Variants in GSE1 observed in about 807,000 individuals in gnomAD.
GSE1 encodes genetic suppressor element 1.
GSE1 carries 32 observed loss-of-function variants against 112.6 expected under a neutral mutation model. The observed-to-expected ratio is 0.28, with a 90% CI of 0.21 to 0.38. The LOEUF (loss-of-function observed/expected upper bound fraction) is 0.38, where lower values mean the gene tolerates loss of function less well. Ranked by LOEUF, GSE1 falls within the 10% of genes least tolerant of loss-of-function variation. The pLI is 1.00. For missense variants in GSE1, 2,348 were observed against 1,699.2 expected (o/e 1.38, Z -6.71); for synonymous variants, 1,115 against 735.6 (o/e 1.52, Z -8.35).
chr16:85,368,284 GC>G (rs2047227341), intron 2 of GSE1, among the ~76,000 whole-genome samples: 1 of 152,172 alleles, frequency 6.6e-6, no homozygotes, highest in African/African-American at 2.4e-5. Context: ...CAACCATCTG[GC>G]CTCTCTGGGC....
intron 2 of GSE1, among the ~76,000 whole-genome samples, chr16:85,645,452 G>A (rs559490832): frequency 3.2e-4 from 49 of 152,282 alleles, no homozygotes; most frequent in African/African-American, 1.2e-3. Flanking sequence ...CATTAAAGAG[G>A]CCCAGATACC....
intron 3 of GSE1, among the ~76,000 whole-genome samples, chr16:85,651,172 CGTCT>C (rs1033460183): frequency 6.7e-6 from 1 of 150,176 alleles, no homozygotes; most frequent in Non-Finnish European, 1.5e-5. Context: ...CGCCCTGATG[CGTCT>C]GTCTGTGGAG....
At chr16:85,235,987 G>A (rs1365835466) in intron 1 of GSE1, among the ~76,000 whole-genome samples, 2 of 139,306 alleles carry the variant, frequency 1.4e-5, no homozygotes, top group African/African-American at 6.0e-5. Flanking sequence ...CCTGGGCCTG[G>A]GCCTGGGCCT....
chr16:85,381,683 A>G (rs1036276373), intron 2 of GSE1, among the ~76,000 whole-genome samples: 3 of 152,238 alleles, frequency 2.0e-5, no homozygotes, highest in African/African-American at 7.2e-5. Flanking sequence ...TTCACTAGTC[A>G]GTGTAGTAAT....
intron 1 of GSE1, among the ~76,000 whole-genome samples, chr16:85,227,093 C>T (rs1167383394): frequency 6.6e-6 from 1 of 151,652 alleles, no homozygotes; most frequent in African/African-American, 2.4e-5. Flanking sequence ...TTTCCTCAGT[C>T]CTTCTTTTCA....
At chr16:85,302,561 C>T (rs966583108) in intron 1 of GSE1, among the ~76,000 whole-genome samples, 1 of 152,100 alleles carries the variant, frequency 6.6e-6, no homozygotes, top group African/African-American at 2.4e-5. Flanking sequence ...TGCTTTCCTG[C>T]GCTGATACTG....
At chr16:85,642,926 G>T (rs953444698) in intron 2 of GSE1, among the ~76,000 whole-genome samples, 1 of 152,098 alleles carries the variant, frequency 6.6e-6, no homozygotes, top group Non-Finnish European at 1.5e-5. Flanking sequence ...CGCCCGCCTC[G>T]GTCTACAGTG....
Position 85,527,583 on chromosome 16 carries a change from C to T in GSE1, c.2465-106331C>T, listed in dbSNP as rs1394808135. On this transcript the variant is annotated intron_variant, in intron 2 of 2. Transcript: ENST00000637419. ...CCTACGCACCCGCGCCACACTGCCC[C>T]GGGAGGGGCTTGCAGCGGTGAATGG... Among the ~76,000 whole-genome samples, 5 of 152,368 alleles carry T rather than the reference C, an allele frequency of 3.3e-5. No individual in the cohort carries two copies. The South Asian group carries it at 6.2e-4, about 19-fold the overall frequency.
At chr16:85,653,439 C>G (rs2151912637) in intron 3 of GSE1, among the ~76,000 whole-genome samples, 1 of 150,130 alleles carries the variant, frequency 6.7e-6, no homozygotes, top group East Asian at 2.0e-4. Context: ...GTGGCACGGC[C>G]TATCCTTGAA....
At chr16:85,459,251 A>G (rs997681992) in intron 2 of GSE1, among the ~76,000 whole-genome samples, 1 of 152,222 alleles carries the variant, frequency 6.6e-6, no homozygotes, top group African/African-American at 2.4e-5. Context: ...CTCCACATGC[A>G]TGCAGGCAGG....
intron 3 of GSE1, among the ~76,000 whole-genome samples, chr16:85,652,980 T>G (rs901901828): frequency 6.6e-6 from 1 of 151,530 alleles, no homozygotes; most frequent in African/African-American, 2.4e-5. Flanking sequence ...TTCCCGTGGC[T>G]CTGCATCCCT....
intron 1 of GSE1, among the ~76,000 whole-genome samples, chr16:85,345,417 C>T (rs2046713830): frequency 6.6e-6 from 1 of 152,184 alleles, no homozygotes. Context: ...TACCATCTGG[C>T]CCTTTAAGAA....
At chr16:85,504,369 G>A (rs2051469086) in intron 2 of GSE1, among the ~76,000 whole-genome samples, 2 of 152,258 alleles carry the variant, frequency 1.3e-5, no homozygotes, top group Admixed American at 6.5e-5. Context: ...GATCTGGAAA[G>A]ATCTTTTGAG....
intron 2 of GSE1, among the ~76,000 whole-genome samples, chr16:85,646,096 CTA>C (rs1370330010): frequency 1.6e-5 from 2 of 125,704 alleles, no homozygotes; most frequent in African/African-American, 7.3e-5. Flanking sequence ...ACCACGCTTC[CTA>C]TGCATGCATT....
chr16:85,401,384 G>T (rs1334614491), intron 2 of GSE1, among the ~76,000 whole-genome samples: 1 of 152,078 alleles, frequency 6.6e-6, no homozygotes, highest in African/African-American at 2.4e-5. Context: ...GGCACCAGGG[G>T]TGGGGGCAGA....
At position 85,558,805 on chromosome 16, in the gene GSE1, G is replaced by A. The variant is rs190559137; in HGVS notation, c.37+2442G>A. ...CCGGGAAGAACTATGGTCAGGGAGT[G>A]GCTTCCCAGGGCTGGGGTTAACGCA... On this transcript the variant is annotated intron_variant, in intron 1 of 2. Transcript: ENST00000635906. Among the ~76,000 whole-genome samples, 647 of 152,316 alleles carry A rather than the reference G, an allele frequency of 4.2e-3. 13 individuals are homozygous for A. Among genetic ancestry groups the A allele is most frequent in the Admixed American group, 0.04 (609 of 15,304 alleles).
intron 11 of GSE1, 107 bp downstream of exon 11, chr16:85,663,721 G>A (rs2052616418): frequency 2.7e-6 from 3 of 1,124,320 alleles, no homozygotes; most frequent in Non-Finnish European, 3.9e-6. Flanking sequence ...CGATCACTGA[G>A]CCTGAGGCTG....
intron 1 of GSE1, among the ~76,000 whole-genome samples, chr16:85,556,740 G>A (rs1045949791): frequency 2.1e-5 from 3 of 142,758 alleles, no homozygotes; most frequent in East Asian, 2.1e-4. Context: ...CGCCCCGATC[G>A]GGTAGCATGC....
intron 2 of GSE1, among the ~76,000 whole-genome samples, chr16:85,400,954 G>A (rs12449174): frequency 0.018 from 2,809 of 152,264 alleles, 40 homozygotes; most frequent in Non-Finnish European, 0.025. Flanking sequence ...TTGACCTTGC[G>A]CATCTGTGTG....
Sources: gnomAD v4.1 joint callset for allele counts (sites outside exome capture counted in the v4.1 genomes callset) on GRCh38, gnomAD v4.1.1 for gene constraint, MANE v1.5 for transcripts, NCBI Gene and HGNC (gene_info 2026-07-23, HGNC 2026-07-21) for gene names.